Variants in SETD1B observed in about 807,000 individuals in gnomAD.
The protein encoded by SETD1B is histone-lysine N-methyltransferase SETD1B.
SETD1B carries 7 observed loss-of-function variants against 148.0 expected under a neutral mutation model. The observed-to-expected ratio is 0.05, with a 90% CI of 0.03 to 0.09. The LOEUF (loss-of-function observed/expected upper bound fraction) is 0.09. Ranked by LOEUF, SETD1B falls within the 10% of genes least tolerant of loss-of-function variation. The pLI is 1.00. For synonymous variants in SETD1B, 1,361 were observed against 1,186.5 expected (o/e 1.15, Z -3.02); for missense variants, 2,155 against 2,729.9 (o/e 0.79, Z 4.69).
chr12:121,804,674 G>GGCCGCCGCC lies in SETD1B; in HGVS notation c.-14-41_-14-33dup. ...GATTCTTTCGCGTGTGTGTAGAAGC[G>GGCCGCCGCC]GCCGCCGCCGCCGCCGCGGCGGAGA... is the stretch of plus-strand genomic sequence containing the variant. On this transcript the variant is annotated intron_variant, in intron 1 of 16. Coordinates refer to ENST00000604567, the MANE Select transcript of SETD1B (RefSeq NM_001353345.2). The surrounding 1 kb of genome is among the most constrained non-coding windows in gnomAD (Gnocchi z 4.6). 1 of 1,496,946 alleles carries GGCCGCCGCC rather than the reference G, an allele frequency of 6.7e-7. No homozygotes were observed. Among genetic ancestry groups the GGCCGCCGCC allele is most frequent in the Non-Finnish European group, 9.0e-7 (1 of 1,109,092 alleles). The allele number at this position is 1,496,946 out of a possible 1,614,324, so 92.7% of individuals were successfully genotyped here.
At chr12:121,794,660 C>A in the SETD1B span, among the ~76,000 whole-genome samples, 1 of 152,198 alleles carries the variant, frequency 6.6e-6, no homozygotes, top group African/African-American at 2.4e-5. Context: ...TTACTGTAGG[C>A]AGTGCTATCA....
At chr12:121,829,265 C>T (rs1210437311) in intron 16 of SETD1B, among the ~76,000 whole-genome samples, 1 of 152,102 alleles carries the variant, frequency 6.6e-6, no homozygotes, top group Non-Finnish European at 1.5e-5. Context: ...GTGAGAGTGG[C>T]CAAGGGGGCT....
Position 121,819,564 on chromosome 12 carries a change from G to A in SETD1B, c.3579G>A (p.Glu1193=), listed in dbSNP as rs1876467226. The A allele has an allele frequency of 1.3e-6, 2 of 1,552,666 alleles. No homozygotes were observed. Among genetic ancestry groups the A allele is most frequent in the South Asian group, 2.4e-5 (2 of 84,082 alleles). ...AREEEEEEEE[E]EMVAEESMAS... ...AAGAGGAGGAAGAAGAGGAGGAGGAGGAGATGGTGGCCGAGGAAAGCATGG... is the reference window on the plus strand; with the variant it reads ...AAGAGGAGGAAGAAGAGGAGGAGGAAGAGATGGTGGCCGAGGAAAGCATGG... Residue 1193 remains glutamate (E), a synonymous_variant, in exon 11 of 17, where the codon GAG becomes GAA. Coordinates refer to ENST00000604567, the MANE Select transcript of SETD1B (RefSeq NM_001353345.2).
chr12:121,793,208 G>T, the SETD1B span: 1 of 1,550,940 alleles, frequency 6.4e-7, no homozygotes, highest in Non-Finnish European at 8.7e-7. Flanking sequence ...CACGCTGGCC[G>T]TGTACTTCTC....
Position 121,822,827 on chromosome 12 carries a change from C to A in SETD1B, c.4248C>A (p.Ser1416Arg). The change falls in exon 12 of 17, where the codon AGC becomes AGA. Residue 1416 changes from serine (S) to arginine (R), a missense_variant. This residue lies in a region of SETD1B where 862 missense variants were observed against 873.8 expected (regional missense o/e 0.99). Transcript: ENST00000604567. ...TCTCCTACCCAGCCCCGTCCCCTAG[C>A]TTGAGCAGTGGGGGCCTCCCTCGGA... ...SPFSYPAPSP[S>R]LSSGGLPRTP... The A allele has an allele frequency of 6.7e-7, 1 of 1,498,024 alleles. No individual in the cohort carries two copies. Among genetic ancestry groups the A allele is most frequent in the Non-Finnish European group, 8.9e-7 (1 of 1,117,790 alleles). 92.8% of individuals were successfully genotyped at this position (1,498,024 alleles called of 1,614,324 possible). A position where few individuals can be genotyped will look rare whatever the true frequency, so the allele number is the denominator to read the frequency against.
chr12:121,793,451 A>T, the SETD1B span: 1 of 1,531,948 alleles, frequency 6.5e-7, no homozygotes, highest in Non-Finnish European at 8.8e-7. Flanking sequence ...GGCTCAGGGT[A>T]AGGGGCGTCC....
chr12:121,795,650 G>A, the SETD1B span: 3 of 152,650 alleles, frequency 2.0e-5, no homozygotes, highest in Non-Finnish European at 4.4e-5. Context: ...AGGGTGACCA[G>A]GGAGGAGCTG....
Position 121,810,967 on chromosome 12 carries a change from G to A in SETD1B, c.1890+132G>A. On this transcript the variant is annotated intron_variant, in intron 6 of 16. Coordinates refer to ENST00000604567, the MANE Select transcript of SETD1B (RefSeq NM_001353345.2). The surrounding 1 kb of genome is among the most constrained non-coding windows in gnomAD (Gnocchi z 7.6). ...GGCTAGGAAAGCCAATATAACAGGT[G>A]GAACTTACAGAATAAAAAGGGGATG... 8.5e-7 allele frequency: 1 copy of A among 1,178,816 alleles called. No individual in the cohort carries two copies. The highest frequency in any genetic ancestry group is 1.1e-6 in the Non-Finnish European group (1 of 869,644). The allele number at this position is 1,178,816 out of a possible 1,614,324, so 73.0% of individuals were successfully genotyped here. A position where few individuals can be genotyped will look rare whatever the true frequency, so the allele number is the denominator to read the frequency against.
At chr12:121,790,440 G>C in the SETD1B span, among the ~76,000 whole-genome samples, 1 of 152,230 alleles carries the variant, frequency 6.6e-6, no homozygotes, top group Non-Finnish European at 1.5e-5. Context: ...TTTCTGTCCT[G>C]TTCTCCTGAG....
At position 121,817,456 on chromosome 12, in the gene SETD1B, C is replaced by T. The variant is rs1316518502; in HGVS notation, c.3064C>T (p.Arg1022Trp). The change falls in exon 9 of 17, where the codon CGG becomes TGG. Residue 1022 changes from arginine to tryptophan, a missense_variant. Coordinates refer to ENST00000604567, the MANE Select transcript of SETD1B (RefSeq NM_001353345.2). This position sits in a 1 kb window ranked among gnomAD's most constrained non-coding sequence, Gnocchi z 8.1. ...RDPKGVGVRRRPARPLELDSG... is the reference protein window; with the variant it reads ...RDPKGVGVRRWPARPLELDSG... Reference sequence around the variant, plus strand: ...CCCCAAGGGCGTGGGTGTGCGGCGGCGGCCGGCGCGGCCTCTGGAGCTGGA... The same window carrying T: ...CCCCAAGGGCGTGGGTGTGCGGCGGTGGCCGGCGCGGCCTCTGGAGCTGGA... 2.6e-6 allele frequency: 4 copies of T among 1,547,306 alleles called. No homozygotes were observed. The highest frequency in any genetic ancestry group is 3.5e-6 in the Non-Finnish European group (4 of 1,144,086).
In SETD1B at chr12:121,819,462, C is replaced by A. The variant is rs1467544522; in HGVS notation, c.3477C>A (p.Ser1159=). ...AAGCCACGTCGTCCAGTGAGAGTTC[C>A]GAGTCTTCTGAGTTTGAGTCAAGCT... ...KAEATSSSES[S]ESSEFESSSE... is the part of the protein sequence containing the mutation. Residue 1159 remains serine, a synonymous_variant, in exon 11 of 17, where the codon TCC becomes TCA. Coordinates refer to ENST00000604567, the MANE Select transcript of SETD1B (RefSeq NM_001353345.2). The A allele has an allele frequency of 1.9e-6, 3 of 1,552,040 alleles. No individual in the cohort carries two copies. In the African/African-American group the frequency reaches 4.1e-5, roughly 21 times the overall value.
upstream of SETD1B, chr12:121,803,905 G>C (rs1466873638): frequency 1.3e-5 from 2 of 153,966 alleles, no homozygotes; most frequent in East Asian, 1.9e-4. The surrounding 1 kb of genome is among the most constrained non-coding windows in gnomAD (Gnocchi z 4.7). Context: ...TGCCGCCGCC[G>C]GGAGAGTGCC....
intron 7 of SETD1B, among the ~76,000 whole-genome samples, chr12:121,816,679 G>A (rs1439280639): frequency 1.3e-5 from 2 of 152,226 alleles, no homozygotes; most frequent in African/African-American, 4.8e-5. Flanking sequence ...TAATGCATGG[G>A]AAGAGAAGAG....
rs1299724554 is a variant in SETD1B at position 121,823,434 on chromosome 12, C to G, written c.4855C>G (p.Pro1619Ala). 1.3e-6 allele frequency: 2 copies of G among 1,548,126 alleles called. No homozygotes were observed. The highest frequency in any genetic ancestry group is 1.7e-6 in the Non-Finnish European group (2 of 1,146,518). ...LDNQWPSEAI[P>A]PGPRGRDEVT... ...CAACCAGTGGCCCTCCGAGGCCATT[C>G]CTCCGGGCCCCCGTGGGCGCGATGA... Residue 1619 changes from proline (P) to alanine (A), a missense_variant, in exon 12 of 17, where the codon CCT becomes GCT. Coordinates refer to ENST00000604567, the MANE Select transcript of SETD1B (RefSeq NM_001353345.2).
the SETD1B span, chr12:121,797,648 G>C: frequency 2.2e-6 from 1 of 455,788 alleles, no homozygotes; most frequent in Non-Finnish European, 4.4e-6. Context: ...GCAGCTGGGA[G>C]GGAGACGTAC....
Position 121,825,264 on chromosome 12 carries a change from C to T in SETD1B, c.5235C>T (p.Gly1745=). 1.3e-6 allele frequency: 2 copies of T among 1,551,808 alleles called. No individual in the cohort carries two copies. The highest frequency in any genetic ancestry group is 1.2e-5 in the South Asian group (1 of 84,064). Residue 1745 remains glycine, a synonymous_variant, in exon 13 of 17, where the codon GGC becomes GGT. Coordinates refer to ENST00000604567, the MANE Select transcript of SETD1B (RefSeq NM_001353345.2). The part of the protein sequence containing the change: ...RDDGIREHVT[G]CARSEGFYTI... ...ATGGCATCCGCGAGCACGTGACGGG[C>T]TGTGCCCGCAGTGAGGGCTTCTACA... is the stretch of plus-strand genomic sequence containing the variant.
In SETD1B at chr12:121,817,545, A is replaced by T. The variant is rs1184797304; in HGVS notation, c.3153A>T (p.Ser1051=). ...LSASSSSSAS[S]SSGSSTTSPS... is the part of the protein sequence containing the mutation. Reference sequence around the variant, plus strand: ...CGTCCTCGTCCTCATCCGCGTCATCATCCTCGGGGTCCTCAACCACCTCAC... The same window carrying T: ...CGTCCTCGTCCTCATCCGCGTCATCTTCCTCGGGGTCCTCAACCACCTCAC... The change falls in exon 9 of 17, where the codon TCA becomes TCT. Residue 1051 remains serine, a synonymous_variant. Transcript: ENST00000604567. This position sits in a 1 kb window ranked among gnomAD's most constrained non-coding sequence, Gnocchi z 8.1. 4.5e-6 allele frequency: 7 copies of T among 1,551,404 alleles called. No homozygotes were observed. Among genetic ancestry groups the T allele is most frequent in the Non-Finnish European group, 6.1e-6 (7 of 1,146,890 alleles).
At chr12:121,793,458 G>A in the SETD1B span, 2 of 1,536,426 alleles carry the variant, frequency 1.3e-6, no homozygotes, top group East Asian at 4.9e-5. Context: ...GGTAAGGGGC[G>A]TCCCTCGCCC....
chr12:121,812,496 C>T (rs376558632), intron 6 of SETD1B, among the ~76,000 whole-genome samples: 105 of 152,120 alleles, frequency 6.9e-4, no homozygotes, highest in African/African-American at 2.3e-3. Flanking sequence ...GCCTGCTGGA[C>T]TCCCAGTTCT....
Sources: allele counts gnomAD v4.1 joint callset (sites outside exome capture counted in the v4.1 genomes callset), GRCh38; gene constraint gnomAD v4.1.1; regional missense constraint gnomAD v4.1.1; non-coding constraint Gnocchi (gnomAD v3.1); transcripts MANE v1.5; gene names NCBI Gene and HGNC (gene_info 2026-07-23, HGNC 2026-07-21).